SGCZ: variants seen among roughly 807,000 people sequenced by gnomAD.
SGCZ encodes the protein zeta-sarcoglycan.
A neutral mutation model predicts 41.3 loss-of-function variants in SGCZ; 40 were observed. The ratio of observed to expected loss-of-function variants is 0.97; its 90% CI spans 0.75 to 1.26. The LOEUF (loss-of-function observed/expected upper bound fraction) is 1.26. Ranked by LOEUF, SGCZ falls within the 50% of genes most tolerant of loss-of-function variation. The probability of loss-of-function intolerance (pLI) is 0.00; values close to 1 mark genes in which losing one functional copy is unlikely to be tolerated. For missense variants in SGCZ, 552 were observed against 369.8 expected (o/e 1.49, Z -4.04); for synonymous variants, 206 against 137.5 (o/e 1.50, Z -3.49).
At chr8:14,917,154 G>T (rs1174597003) in intron 1 of SGCZ, among the ~76,000 whole-genome samples, 1 of 152,034 alleles carries the variant, frequency 6.6e-6, no homozygotes, top group Non-Finnish European at 1.5e-5. Context: ...ATTCCCCAGG[G>T]CCTGAATTGT....
At chr8:14,216,986 A>C (rs1806015725) in intron 4 of SGCZ, among the ~76,000 whole-genome samples, 1 of 152,112 alleles carries the variant, frequency 6.6e-6, no homozygotes, top group Non-Finnish European at 1.5e-5. Flanking sequence ...ATGTGGTGAA[A>C]TTGTATAAAG....
chr8:14,980,901 A>G (rs919283222), intron 1 of SGCZ, among the ~76,000 whole-genome samples: 3 of 152,038 alleles, frequency 2.0e-5, no homozygotes, highest in African/African-American at 7.2e-5. Context: ...ATCCATTCCC[A>G]TCTTTAGTCT....
chr8:14,248,999 C>T (rs1799197344), intron 3 of SGCZ, among the ~76,000 whole-genome samples: 1 of 151,966 alleles, frequency 6.6e-6, no homozygotes, highest in Admixed American at 6.6e-5. Flanking sequence ...AGTTATAGTA[C>T]CTGTGATGGT....
chr8:14,977,702 C>A lies in SGCZ; in HGVS notation c.39+259883G>T, dbSNP rs547689822. On this transcript the variant is annotated intron_variant, in intron 1 of 7. Transcript: ENST00000382080. ...AAAGCCCAAAGTTTTGAGAAAAGTT[C>A]AATCCCAAGACTCAAAACTCTCTCC... 2.0e-5 allele frequency among the ~76,000 whole-genome samples: 3 copies of A among 152,036 alleles called. No individual in the cohort carries two copies. The East Asian group carries it at 5.8e-4, about 29-fold the overall frequency.
intron 1 of SGCZ, among the ~76,000 whole-genome samples, chr8:15,194,294 A>G (rs1800645575): frequency 6.6e-6 from 1 of 151,950 alleles, no homozygotes; most frequent in Non-Finnish European, 1.5e-5. Flanking sequence ...ACATTCTGTA[A>G]AAGGTTGTGC....
At chr8:14,629,810 A>G (rs1806587135) in intron 1 of SGCZ, among the ~76,000 whole-genome samples, 1 of 152,082 alleles carries the variant, frequency 6.6e-6, no homozygotes, top group African/African-American at 2.4e-5. Context: ...TAAAATTGAG[A>G]TGCTTCATGA....
At chr8:14,490,808 G>C (rs1801820269) in intron 2 of SGCZ, among the ~76,000 whole-genome samples, 1 of 76,660 alleles carries the variant, frequency 1.3e-5, no homozygotes, top group Non-Finnish European at 2.5e-5. Context: ...TTCAAGGTGA[G>C]AATTGATCAT....
intron 1 of SGCZ, among the ~76,000 whole-genome samples, chr8:15,208,294 T>C (rs1213495225): frequency 1.3e-5 from 2 of 152,022 alleles, no homozygotes; most frequent in South Asian, 2.1e-4. Context: ...TGGCATATTA[T>C]AGCAAAAAAA....
intron 1 of SGCZ, among the ~76,000 whole-genome samples, chr8:15,085,739 C>G (rs1348570227): frequency 1.3e-5 from 2 of 152,088 alleles, no homozygotes; most frequent in Non-Finnish European, 2.9e-5. Flanking sequence ...CTCTCTTGCC[C>G]ACACATCTAC....
chr8:14,920,635 C>A (rs985112388), intron 1 of SGCZ, among the ~76,000 whole-genome samples: 1 of 152,058 alleles, frequency 6.6e-6, no homozygotes, highest in East Asian at 1.9e-4. Context: ...TATTAACATG[C>A]CTAAGCCATA....
intron 1 of SGCZ, among the ~76,000 whole-genome samples, chr8:15,191,249 A>G (rs1408071604): frequency 3.9e-5 from 6 of 152,096 alleles, no homozygotes; most frequent in Non-Finnish European, 8.8e-5. Flanking sequence ...TTCAAGACTG[A>G]AAAATTCTAA....
At chr8:14,430,534 G>T (rs1287702982) in intron 2 of SGCZ, among the ~76,000 whole-genome samples, 2 of 152,072 alleles carry the variant, frequency 1.3e-5, no homozygotes, top group South Asian at 4.1e-4. Flanking sequence ...CTGCATACAA[G>T]TGACCTATTT....
At position 14,394,613 on chromosome 8, in the gene SGCZ, T is replaced by C. The variant is rs780644144; in HGVS notation, c.235-70409A>G. On this transcript the variant is annotated intron_variant, in intron 2 of 7. Transcript: ENST00000382080. Reference sequence around the variant, plus strand: ...TTCATGCATTCATTCAGCAAATTCATGTTAACTGCTGATCCTGTCATAGAC... The same window carrying C: ...TTCATGCATTCATTCAGCAAATTCACGTTAACTGCTGATCCTGTCATAGAC... Among the ~76,000 whole-genome samples, 6 of 152,286 alleles carry C rather than the reference T, an allele frequency of 3.9e-5. No individual in the cohort carries two copies. The South Asian group carries it at 8.3e-4, about 21-fold the overall frequency.
At chr8:14,828,820 T>C (rs56009143) in intron 1 of SGCZ, among the ~76,000 whole-genome samples, 128 of 152,286 alleles carry the variant, frequency 8.4e-4, no homozygotes, top group Non-Finnish European at 1.6e-3. Flanking sequence ...CGAGAACATT[T>C]CAGCAGAGTC....
At chr8:15,043,712 T>C (rs1196510940) in intron 1 of SGCZ, among the ~76,000 whole-genome samples, 3 of 152,128 alleles carry the variant, frequency 2.0e-5, no homozygotes, top group Non-Finnish European at 4.4e-5. Context: ...GGAAATACTT[T>C]TGGAATTCTT....
chr8:14,674,104 CT>C lies in SGCZ; in HGVS notation c.40-119179del, dbSNP rs1251099474. On this transcript the variant is annotated intron_variant, in intron 1 of 7. Coordinates refer to ENST00000382080, the MANE Select transcript of SGCZ (RefSeq NM_139167.4). ...AGAAATTAGTATAAACTGTTAAAAC[CT>C]TCAATAAAGTATAACTCAGAATAAA... 6.6e-5 allele frequency among the ~76,000 whole-genome samples: 10 copies of C among 151,900 alleles called. No individual in the cohort carries two copies. In the East Asian group the frequency reaches 1.9e-3, roughly 29 times the overall value.
chr8:14,918,911 G>A (rs182354111), intron 1 of SGCZ, among the ~76,000 whole-genome samples: 1 of 152,208 alleles, frequency 6.6e-6, no homozygotes, highest in African/African-American at 2.4e-5. Context: ...TCATCAATCG[G>A]TCTGAAGGCA....
At position 14,415,335 on chromosome 8, in the gene SGCZ, G is replaced by A. The variant is rs146784827; in HGVS notation, c.235-91131C>T. On this transcript the variant is annotated intron_variant, in intron 2 of 7. Coordinates refer to ENST00000382080, the MANE Select transcript of SGCZ (RefSeq NM_139167.4). ...AGTGCTTTCAGAAATAAATGCAAAT[G>A]TATTATACTTTTTCTCACTGTAAAA... 3.9e-5 allele frequency among the ~76,000 whole-genome samples: 6 copies of A among 151,932 alleles called. No homozygotes were observed. The East Asian group carries it at 9.7e-4, about 24-fold the overall frequency.
At chr8:14,666,722 T>A (rs1480432208) in intron 1 of SGCZ, among the ~76,000 whole-genome samples, 1 of 151,088 alleles carries the variant, frequency 6.6e-6, no homozygotes, top group Non-Finnish European at 1.5e-5. Flanking sequence ...ACAGTGTAAG[T>A]TTCTGAAAAA....
Sources: allele counts gnomAD v4.1 joint callset (sites outside exome capture counted in the v4.1 genomes callset), GRCh38; gene constraint gnomAD v4.1.1; transcripts MANE v1.5; gene names NCBI Gene and HGNC (gene_info 2026-07-23, HGNC 2026-07-21).